Variants in UNC45A observed in about 807,000 individuals in gnomAD.
UNC45A encodes unc-45 myosin chaperone A.
A neutral mutation model predicts 103.2 loss-of-function variants in UNC45A; 78 were observed. That is an observed-to-expected ratio of 0.76 (90% CI 0.63 to 0.91). The LOEUF (loss-of-function observed/expected upper bound fraction) is 0.91. UNC45A is among the 40% of genes least tolerant of loss of function. The probability of loss-of-function intolerance (pLI) is 0.00; values close to 1 mark genes in which losing one functional copy is unlikely to be tolerated. For synonymous variants in UNC45A, 495 were observed against 504.6 expected (o/e 0.98, Z 0.25); for missense variants, 1,193 against 1,224.8 (o/e 0.97, Z 0.39).
intron 2 of UNC45A, 97 bp from the exon 3 acceptor site, chr15:90,935,849 A>T: frequency 1.3e-6 from 2 of 1,587,672 alleles, no homozygotes; most frequent in Admixed American, 1.8e-5. Context: ...GTGGTGGGGG[A>T]TCGGGTGACC....
rs112083196 is a variant in UNC45A at position 90,948,442 on chromosome 15, A to G, written c.1737+159A>G. 23 of 1,289,604 alleles carry G rather than the reference A, an allele frequency of 1.8e-5. No homozygotes were observed. The African/African-American group carries it at 2.4e-4, about 13-fold the overall frequency. 79.9% of individuals were successfully genotyped at this position (1,289,604 alleles called of 1,614,324 possible). ...GTGTAGTGTGGGCATGTTGGCCAGC[A>G]CCAGTGGTGTTAGCAAGGACGTTCT... On this transcript the variant is annotated intron_variant, in intron 12 of 19. Transcript: ENST00000418476.
chr15:90,945,618 C>A (rs1163346770), intron 9 of UNC45A, among the ~76,000 whole-genome samples: 2 of 147,662 alleles, frequency 1.4e-5, no homozygotes, highest in Non-Finnish European at 3.0e-5. Context: ...GCCTTGGCTT[C>A]CCAAAGTGCT....
At chr15:90,936,648 G>A (rs753507700) in intron 4 of UNC45A, among the ~76,000 whole-genome samples, 188 bp downstream of exon 4, 1 of 152,230 alleles carries the variant, frequency 6.6e-6, no homozygotes, top group Non-Finnish European at 1.5e-5. Context: ...ATATTTAAAA[G>A]TTTGTACACT....
In UNC45A at chr15:90,935,357, C is replaced by A. The variant is rs200876300; in HGVS notation, c.33C>A (p.Pro11=). 2.5e-4 allele frequency: 396 copies of A among 1,603,950 alleles called. 2 individuals carry two copies. The Middle Eastern group carries it at 2.5e-3, about 10-fold the overall frequency. The change falls in exon 1 of 20, where the codon CCC becomes CCA. Residue 11 remains proline, a synonymous_variant. Transcript: ENST00000418476. ...TGAGTGGTCCAGGGACCCCCGAGCCCCGGCCGGCCACCCCCGGGGTGCGTA... is the reference window on the plus strand; with the variant it reads ...TGAGTGGTCCAGGGACCCCCGAGCCACGGCCGGCCACCCCCGGGGTGCGTA... MTVSGPGTPE[P]RPATPGASSV...
chr15:90,942,883 G>T, intron 7 of UNC45A, 29 bp from the exon 8 acceptor site: 5 of 1,580,582 alleles, frequency 3.2e-6, no homozygotes, highest in Non-Finnish European at 4.3e-6. Context: ...CTGCTGTGGA[G>T]CCCACTGATG....
chr15:90,935,687 CGCCTGCCACCTCAA>C lies in UNC45A; in HGVS notation c.198_211del (p.Cys67GlyfsTer15). The C allele has an allele frequency of 6.4e-7, 1 of 1,562,162 alleles. No homozygotes were observed. Among genetic ancestry groups the C allele is most frequent in the Non-Finnish European group, 8.6e-7 (1 of 1,156,808 alleles). On this transcript the variant is annotated frameshift_variant, in exon 2 of 20. Transcript: ENST00000418476. LOFTEE classifies it high-confidence loss of function. ...AGGCCGTTCTGCACCGGAACCGGGC[CGCCTGCCACCTCAA>C]GCTGGTGAGGGAGCCTGGCGCTCTT...
chr15:90,945,503 A>G (rs964110378), intron 9 of UNC45A, among the ~76,000 whole-genome samples: 2 of 152,048 alleles, frequency 1.3e-5, no homozygotes, highest in Non-Finnish European at 2.9e-5. Context: ...CTGGGATCAC[A>G]GGCATGCACC....
intron 5 of UNC45A, 27 bp downstream of exon 5, chr15:90,939,850 G>A: frequency 6.3e-7 from 1 of 1,592,768 alleles, no homozygotes; most frequent in South Asian, 1.1e-5. Context: ...GAGTCAGTGA[G>A]TGAGCTCCCA....
At chr15:90,932,222 A>G (rs538760292), upstream of UNC45A, 3 of 1,218,372 alleles carry the variant, frequency 2.5e-6, no homozygotes, top group Non-Finnish European at 3.4e-6. Flanking sequence ...TAGCTGGGTG[A>G]CCTTGGTCAA....
Position 90,953,041 on chromosome 15 carries a change from A to C in UNC45A, c.2416A>C (p.Lys806Gln). 6.2e-7 allele frequency: 1 copy of C among 1,613,636 alleles called. No homozygotes were observed. The highest frequency in any genetic ancestry group is 8.5e-7 in the Non-Finnish European group (1 of 1,180,024). Reference sequence around the variant, plus strand: ...GTGCATGTGTAACTTGGCCATGAGCAAGGAGGTGAGGGTTGGTCTGGGTGC... The same window carrying C: ...GTGCATGTGTAACTTGGCCATGAGCCAGGAGGTGAGGGTTGGTCTGGGTGC... Reference protein sequence around the residue: ...TECMCNLAMSKEVQDLFEAQG... With the variant: ...TECMCNLAMSQEVQDLFEAQG... Residue 806 changes from lysine to glutamine, a missense_variant, in exon 18 of 20, where the codon AAG (lysine) becomes CAG (glutamine). By Grantham distance (53) the Lys-to-Gln change is moderately conservative. Coordinates refer to ENST00000418476, the MANE Select transcript of UNC45A (RefSeq NM_018671.5).
At chr15:90,934,149 G>A, upstream of UNC45A, 1 of 399,310 alleles carries the variant, frequency 2.5e-6, no homozygotes, top group South Asian at 1.3e-4. Context: ...CTCAGGTACA[G>A]CACTTACCCC....
At chr15:90,930,637 G>A (rs2151346967), upstream of UNC45A, 1 of 153,310 alleles carries the variant, frequency 6.5e-6, no homozygotes, top group South Asian at 2.0e-4. Flanking sequence ...CCAGAGTGCT[G>A]GGATTACAGG....
chr15:90,939,630 A>T, intron 4 of UNC45A, 101 bp from the exon 5 acceptor site: 1 of 1,285,392 alleles, frequency 7.8e-7, no homozygotes, highest in Non-Finnish European at 1.1e-6. Flanking sequence ...GGACATCTTT[A>T]CTGTGCCTCC....
intron 9 of UNC45A, 79 bp from the exon 10 acceptor site, chr15:90,946,535 G>GC: frequency 6.9e-7 from 1 of 1,455,068 alleles, no homozygotes; most frequent in South Asian, 1.4e-5. Context: ...CAGGTGCCTG[G>GC]CCAGTGGAGG....
intron 4 of UNC45A, among the ~76,000 whole-genome samples, chr15:90,937,881 C>T (rs1482018101): frequency 6.6e-6 from 1 of 152,148 alleles, no homozygotes; most frequent in Non-Finnish European, 1.5e-5. Flanking sequence ...AGTACAACCT[C>T]TTCCTCCCGG....
chr15:90,944,847 G>A, intron 8 of UNC45A, 45 bp from the exon 9 acceptor site: 1 of 1,574,204 alleles, frequency 6.4e-7, no homozygotes, highest in Non-Finnish European at 8.6e-7. Context: ...TTACTTGTAG[G>A]GGTTGGAACT....
At chr15:90,949,827 C>T in intron 15 of UNC45A, 107 bp downstream of exon 15, 1 of 1,208,304 alleles carries the variant, frequency 8.3e-7, no homozygotes, top group Non-Finnish European at 1.2e-6. Context: ...AACAGAAAAA[C>T]ATTAATGGCC....
intron 6 of UNC45A, among the ~76,000 whole-genome samples, chr15:90,942,101 G>T (rs2036323904): frequency 6.6e-6 from 1 of 152,150 alleles, no homozygotes; most frequent in Non-Finnish European, 1.5e-5. Context: ...CATTAAGCCT[G>T]GTGGTCAGGT....
intron 13 of UNC45A, among the ~76,000 whole-genome samples, 197 bp from the exon 14 acceptor site, chr15:90,949,119 G>A (rs1252947533): frequency 2.0e-5 from 3 of 151,934 alleles, no homozygotes; most frequent in Admixed American, 6.6e-5. Context: ...CTCGTGATCC[G>A]CCTGCCTCAG....
Sources: allele counts gnomAD v4.1 joint callset (sites outside exome capture counted in the v4.1 genomes callset), GRCh38; gene constraint gnomAD v4.1.1; transcripts MANE v1.5; gene names NCBI Gene and HGNC (gene_info 2026-07-23, HGNC 2026-07-21).